Variants in CADPS observed in about 807,000 individuals in gnomAD.
CADPS encodes the protein calcium-dependent secretion activator 1.
CADPS carries 57 observed loss-of-function variants against 167.3 expected under a neutral mutation model. The observed-to-expected ratio is 0.34, with a 90% CI of 0.28 to 0.42. The LOEUF is 0.42. Ranked by LOEUF, CADPS falls within the 20% of genes least tolerant of loss-of-function variation. The probability of loss-of-function intolerance (pLI) is 1.00; values close to 1 mark genes in which losing one functional copy is unlikely to be tolerated. For missense variants in CADPS, 1,414 were observed against 1,738.1 expected, an observed-to-expected ratio of 0.81 and a Z score of 3.32; for synonymous variants, 676 against 635.3, an observed-to-expected ratio of 1.06 and a Z score of -0.96.
chr3:62,626,237 A>C (rs1284796007), intron 6 of CADPS: 1 of 284,094 alleles, frequency 3.5e-6, no homozygotes, highest in Non-Finnish European at 6.5e-6. Context: ...AGACAAAGCC[A>C]GCTAAGGGGG....
At chr3:62,832,283 C>T (rs1388785875) in intron 1 of CADPS, among the ~76,000 whole-genome samples, 1 of 152,124 alleles carries the variant, frequency 6.6e-6, no homozygotes, top group East Asian at 1.9e-4. Context: ...TGAGAGCCAC[C>T]AATCCATGCA....
chr3:62,667,846 G>T (rs924702204), intron 3 of CADPS, among the ~76,000 whole-genome samples: 3 of 151,926 alleles, frequency 2.0e-5, no homozygotes, highest in Non-Finnish European at 4.4e-5. Context: ...ATAGGTCTAC[G>T]TATCAGCAAA....
chr3:62,824,328 A>G lies in CADPS; in HGVS notation c.441+50261T>C, dbSNP rs980818818. Among the ~76,000 whole-genome samples, 6 of 152,288 alleles carry G rather than the reference A, an allele frequency of 3.9e-5. No homozygotes were observed. In the South Asian group the frequency reaches 6.2e-4, roughly 16 times the overall value. The stretch of plus-strand genomic sequence containing the variant: ...TATCATCAGCTAAAAAATGGAGTCA[A>G]TTAAACTTTGTGGCAGCAACAGATT... On this transcript the variant is annotated intron_variant, in intron 1 of 29. Transcript: ENST00000383710.
chr3:62,694,129 A>T (rs1235789999), intron 3 of CADPS, among the ~76,000 whole-genome samples: 1 of 152,114 alleles, frequency 6.6e-6, no homozygotes, highest in Non-Finnish European at 1.5e-5. Context: ...CCTCTCACGA[A>T]GGCTGGCCTA....
intron 1 of CADPS, among the ~76,000 whole-genome samples, chr3:62,857,905 A>G (rs906784406): frequency 6.6e-6 from 1 of 152,182 alleles, no homozygotes; most frequent in Non-Finnish European, 1.5e-5. Context: ...ATTTACATCT[A>G]CAATGAAGTT....
chr3:62,669,345 C>T (rs894311461), intron 3 of CADPS, among the ~76,000 whole-genome samples: 3 of 152,194 alleles, frequency 2.0e-5, no homozygotes, highest in Non-Finnish European at 2.9e-5. Context: ...AGACAAGCTG[C>T]TCCAGCAAAT....
At chr3:62,469,360 C>T (rs2060304005) in intron 24 of CADPS, among the ~76,000 whole-genome samples, 1 of 152,102 alleles carries the variant, frequency 6.6e-6, no homozygotes, top group Admixed American at 6.6e-5. Flanking sequence ...TGTGAAGCTC[C>T]ATGAAGGGGT....
intron 2 of CADPS, among the ~76,000 whole-genome samples, chr3:62,757,104 G>A (rs1002068455): frequency 2.6e-5 from 4 of 152,194 alleles, no homozygotes; most frequent in Non-Finnish European, 5.9e-5. Flanking sequence ...GACCGGGTGA[G>A]TGTGATGGCA....
At chr3:62,497,391 C>T (rs1052150865) in intron 18 of CADPS, among the ~76,000 whole-genome samples, 2 of 152,174 alleles carry the variant, frequency 1.3e-5, no homozygotes, top group Non-Finnish European at 1.5e-5. Flanking sequence ...AGAGCCTCAA[C>T]CACTCAGATC....
intron 1 of CADPS, among the ~76,000 whole-genome samples, chr3:62,777,841 A>G (rs1157355659): frequency 6.6e-6 from 1 of 152,144 alleles, no homozygotes; most frequent in Non-Finnish European, 1.5e-5. Context: ...AAATTCTATC[A>G]CTCAAGCCTG....
rs1384650754 is a variant in CADPS at position 62,438,279 on chromosome 3, T to C, written c.3670-68A>G. On this transcript the variant is annotated intron_variant, in intron 27 of 29. Coordinates refer to ENST00000383710, the MANE Select transcript of CADPS (RefSeq NM_003716.4). This position sits in a 1 kb window ranked among gnomAD's most constrained non-coding sequence, Gnocchi z 4.7. Reference sequence around the variant, plus strand: ...CCACTCTTCCTTGTTTACCATTCACTTGTACCCTCTACTTGCCCTCACACA... The same window carrying C: ...CCACTCTTCCTTGTTTACCATTCACCTGTACCCTCTACTTGCCCTCACACA... The C allele has an allele frequency of 1.7e-6, 2 of 1,158,190 alleles. No individual in the cohort carries two copies. The highest frequency in any genetic ancestry group is 4.7e-5 in the East Asian group (2 of 42,248). 71.7% of individuals were successfully genotyped at this position (1,158,190 alleles called of 1,614,324 possible).
rs755744968 is a variant in CADPS at position 62,549,932 on chromosome 3, G to A, written c.1937C>T (p.Pro646Leu). 1 of 1,614,042 alleles carries A rather than the reference G, an allele frequency of 6.2e-7. No homozygotes were observed. Among genetic ancestry groups the A allele is most frequent in the Non-Finnish European group, 8.5e-7 (1 of 1,179,926 alleles). The change falls in exon 11 of 30, where the codon CCT becomes CTT. Residue 646 changes from proline to leucine, a missense_variant. By Grantham distance (98) the Pro-to-Leu change is moderately conservative. Around this residue, in one of 6 missense-constraint regions of CADPS, gnomAD observed 529 missense variants for 629.6 expected, o/e 0.84. Transcript: ENST00000383710. ...QKLNAKGGNVPQLDAPISQFY... is the reference protein window; with the variant it reads ...QKLNAKGGNVLQLDAPISQFY... ...TTGAGAGATAGGGGCATCCAGCTGA[G>A]GTACATTTCCTCCCTTGGCGTTGAG...
intron 3 of CADPS, among the ~76,000 whole-genome samples, chr3:62,752,187 T>C (rs2082861933): frequency 6.6e-6 from 1 of 152,222 alleles, no homozygotes; most frequent in Admixed American, 6.5e-5. Context: ...TAACGCCACC[T>C]GCTTATCCCA....
rs1007017431 is a variant in CADPS, at chr3:62,550,807, G to A, written c.1754-692C>T. On this transcript the variant is annotated intron_variant, in intron 10 of 29. Coordinates refer to ENST00000383710, the MANE Select transcript of CADPS (RefSeq NM_003716.4). The stretch of plus-strand genomic sequence containing the variant: ...TGACCTCCACATTGCTGAATCCAAT[G>A]ACTGATTAAAAGCCCTCATTTTATT... 4.4e-5 allele frequency: 20 copies of A among 456,482 alleles called. No individual in the cohort carries two copies. The East Asian group carries it at 1.3e-3, about 29-fold the overall frequency. The allele number at this position is 456,482 out of a possible 1,614,324, so 28.3% of individuals were successfully genotyped here.
chr3:62,460,140 C>T (rs900668731), intron 26 of CADPS, among the ~76,000 whole-genome samples: 2 of 152,128 alleles, frequency 1.3e-5, no homozygotes, highest in Non-Finnish European at 2.9e-5. Context: ...AAATCACTCA[C>T]CATCACTTAT....
rs375897961 is a variant in CADPS at position 62,689,658 on chromosome 3, C to G, written c.889-27264G>C. Among the ~76,000 whole-genome samples, 17 of 152,152 alleles carry G rather than the reference C, an allele frequency of 1.1e-4. No individual in the cohort carries two copies. In the East Asian group the frequency reaches 3.3e-3, roughly 30 times the overall value. Reference sequence around the variant, plus strand: ...TATAACCCTTTGGACGCAAATGTACCTGACATTATAGAATTTCTTCCTGCC... The same window carrying G: ...TATAACCCTTTGGACGCAAATGTACGTGACATTATAGAATTTCTTCCTGCC... On this transcript the variant is annotated intron_variant, in intron 3 of 29. Coordinates refer to ENST00000383710, the MANE Select transcript of CADPS (RefSeq NM_003716.4).
At chr3:62,429,785 T>G (rs954131593) in intron 28 of CADPS, among the ~76,000 whole-genome samples, 5 of 152,170 alleles carry the variant, frequency 3.3e-5, no homozygotes, top group African/African-American at 1.2e-4. Context: ...GACCTTAACG[T>G]AACAGAGCAA....
intron 6 of CADPS, among the ~76,000 whole-genome samples, chr3:62,600,711 T>C (rs922440587): frequency 1.3e-5 from 2 of 152,218 alleles, no homozygotes; most frequent in African/African-American, 2.4e-5. Context: ...TTTGCCCCCA[T>C]GGATATTACA....
chr3:62,471,655 TGAG>T (rs1278202689), intron 24 of CADPS, among the ~76,000 whole-genome samples: 1 of 152,144 alleles, frequency 6.6e-6, no homozygotes, highest in Non-Finnish European at 1.5e-5. Context: ...CAAAAGCTGC[TGAG>T]GAGAAGGCAA....
Sources: gnomAD v4.1 joint callset for allele counts (sites outside exome capture counted in the v4.1 genomes callset) on GRCh38, gnomAD v4.1.1 for gene constraint, gnomAD v4.1.1 regional missense constraint, Gnocchi (gnomAD v3.1) non-coding constraint, MANE v1.5 for transcripts, NCBI Gene and HGNC (gene_info 2026-07-23, HGNC 2026-07-21) for gene names.